The following MAP7 variants were observed in gnomAD, a reference collection of about 807,000 sequenced individuals.
The protein encoded by MAP7 is microtubule associated protein 7, also known as ensconsin.
A neutral mutation model predicts 94.8 loss-of-function variants in MAP7; 52 were observed. The ratio of observed to expected loss-of-function variants is 0.55; its 90% CI spans 0.44 to 0.69. The LOEUF is 0.69. MAP7 is among the 30% of genes least tolerant of loss of function. MAP7 has a pLI of 0.00. For synonymous variants in MAP7, 350 were observed against 357.0 expected (o/e 0.98, Z 0.22); for missense variants, 940 against 964.6 (o/e 0.97, Z 0.34).
chr6:136,501,986 A>T (rs1315201355), intron 1 of MAP7, among the ~76,000 whole-genome samples: 1 of 152,212 alleles, frequency 6.6e-6, no homozygotes, highest in East Asian at 1.9e-4. Flanking sequence ...TCACAGAGGT[A>T]GTAGTATTTG....
rs535404565 is a variant in MAP7, at chr6:136,520,183, G to A, written c.67+30159C>T. Among the ~76,000 whole-genome samples the A allele has an allele frequency of 2.1e-5, 3 of 141,248 alleles. No individual in the cohort carries two copies. In the Admixed American group the frequency reaches 2.1e-4, roughly 10 times the overall value. The allele number at this position is 141,248 out of a possible 152,430, so 92.7% of individuals were successfully genotyped here. ...CCACTGCACTTCAGCCTGGAAAACA[G>A]AGCAAGAGTTTGCCTCAAAAAAAAA... On this transcript the variant is annotated intron_variant, in intron 1 of 17. Coordinates refer to ENST00000354570, the MANE Select transcript of MAP7 (RefSeq NM_003980.6).
chr6:136,393,224 C>T (rs1340256634), intron 3 of MAP7, among the ~76,000 whole-genome samples: 1 of 152,130 alleles, frequency 6.6e-6, no homozygotes, highest in African/African-American at 2.4e-5. Context: ...CTCCTTAATG[C>T]ACCTCCCATC....
intron 1 of MAP7, among the ~76,000 whole-genome samples, chr6:136,449,984 T>C (rs898906785): frequency 2.6e-5 from 4 of 151,952 alleles, no homozygotes; most frequent in African/African-American, 4.8e-5. Flanking sequence ...AGGTCAGGAG[T>C]TTGAGACCAG....
chr6:136,540,976 T>C (rs1829261789), intron 1 of MAP7, among the ~76,000 whole-genome samples: 1 of 152,120 alleles, frequency 6.6e-6, no homozygotes, highest in South Asian at 2.1e-4. Context: ...AACCTTGGGG[T>C]CAAGGAGTGA....
chr6:136,392,018 C>T (rs916145173), intron 3 of MAP7, among the ~76,000 whole-genome samples: 1 of 152,226 alleles, frequency 6.6e-6, no homozygotes, highest in Non-Finnish European at 1.5e-5. Context: ...CTGTTATATT[C>T]CACCTCCAAC....
chr6:136,530,289 A>T (rs1452043464), intron 1 of MAP7, among the ~76,000 whole-genome samples: 2 of 152,204 alleles, frequency 1.3e-5, no homozygotes, highest in African/African-American at 4.8e-5. Flanking sequence ...TACAAGTTCC[A>T]CGTATGTATA....
At chr6:136,416,324 G>C (rs1789398854) in intron 2 of MAP7, among the ~76,000 whole-genome samples, 1 of 152,054 alleles carries the variant, frequency 6.6e-6, no homozygotes, top group Non-Finnish European at 1.5e-5. Context: ...AATGCTAGAA[G>C]TTTAAATTTT....
At chr6:136,407,825 G>C (rs2128728829) in intron 3 of MAP7, among the ~76,000 whole-genome samples, 1 of 152,272 alleles carries the variant, frequency 6.6e-6, no homozygotes, top group Middle Eastern at 3.4e-3. Flanking sequence ...TAGTCAGAAA[G>C]AACCTAGGGT....
chr6:136,496,527 T>C (rs1229814345), intron 1 of MAP7, among the ~76,000 whole-genome samples: 2 of 152,048 alleles, frequency 1.3e-5, no homozygotes, highest in Non-Finnish European at 2.9e-5. Flanking sequence ...CCATTATACA[T>C]ATATACTTAC....
chr6:136,425,339 C>A (rs1186989928), intron 1 of MAP7, among the ~76,000 whole-genome samples: 2 of 152,182 alleles, frequency 1.3e-5, no homozygotes, highest in Non-Finnish European at 1.5e-5. Flanking sequence ...TTCAACTGGA[C>A]TTTGTGGGCA....
intron 1 of MAP7, among the ~76,000 whole-genome samples, chr6:136,546,047 C>G (rs753348872): frequency 6.6e-6 from 1 of 152,202 alleles, no homozygotes; most frequent in Non-Finnish European, 1.5e-5. Context: ...TGGTCTCGCT[C>G]TGTCACCCAG....
chr6:136,390,241 T>C (rs1780322910), intron 3 of MAP7, among the ~76,000 whole-genome samples: 1 of 152,162 alleles, frequency 6.6e-6, no homozygotes, highest in Non-Finnish European at 1.5e-5. Context: ...TCAGCGGTAA[T>C]AACTAAAAAT....
intron 1 of MAP7, among the ~76,000 whole-genome samples, chr6:136,469,257 C>T (rs1038562473): frequency 3.9e-5 from 6 of 152,076 alleles, no homozygotes; most frequent in South Asian, 2.1e-4. Flanking sequence ...CTTATCACCC[C>T]GCTTTTGGTT....
intron 8 of MAP7, 87 bp downstream of exon 8, chr6:136,372,414 C>T (rs1334937456): frequency 6.7e-7 from 1 of 1,501,580 alleles, no homozygotes; most frequent in African/African-American, 1.4e-5. Context: ...CCTCTTACGC[C>T]CACACCACAG....
intron 1 of MAP7, among the ~76,000 whole-genome samples, chr6:136,457,122 A>G (rs74863536): frequency 0.061 from 9,191 of 151,318 alleles, 399 homozygotes; most frequent in Non-Finnish European, 0.093. Flanking sequence ...ATTATAACTG[A>G]TGCCACAGAA....
chr6:136,505,236 T>C (rs1189732769), intron 1 of MAP7, among the ~76,000 whole-genome samples: 1 of 144,530 alleles, frequency 6.9e-6, no homozygotes, highest in African/African-American at 2.6e-5. Flanking sequence ...CAATTGTATA[T>C]TACATTTCCA....
At chr6:136,418,188 G>A (rs1790125564) in intron 2 of MAP7, among the ~76,000 whole-genome samples, 2 of 152,094 alleles carry the variant, frequency 1.3e-5, no homozygotes, top group Admixed American at 6.5e-5. Context: ...AAAACACCAC[G>A]AGGGACTTCT....
chr6:136,413,571 G>A (rs1446300957), intron 2 of MAP7, among the ~76,000 whole-genome samples: 1 of 151,724 alleles, frequency 6.6e-6, no homozygotes, highest in African/African-American at 2.4e-5. Context: ...ACAAATAGCA[G>A]TGCTTTGGCA....
chr6:136,541,619 G>A (rs1468784855), intron 1 of MAP7, among the ~76,000 whole-genome samples: 2 of 152,254 alleles, frequency 1.3e-5, no homozygotes, highest in South Asian at 2.1e-4. Flanking sequence ...GCTCCTCTGT[G>A]CCATCTGGTC....
Sources: allele counts gnomAD v4.1 joint callset (sites outside exome capture counted in the v4.1 genomes callset), GRCh38; gene constraint gnomAD v4.1.1; transcripts MANE v1.5; gene names NCBI Gene and HGNC (gene_info 2026-07-23, HGNC 2026-07-21).